Variants in RNF10 observed in about 807,000 individuals in gnomAD.
RNF10 encodes the protein ring finger protein 10.
RNF10 carries 38 observed loss-of-function variants against 91.4 expected under a neutral mutation model. The observed-to-expected ratio is 0.42, with a 90% CI of 0.32 to 0.54. The LOEUF (loss-of-function observed/expected upper bound fraction) is 0.54. Ranked by LOEUF, RNF10 falls within the 20% of genes least tolerant of loss-of-function variation. The probability of loss-of-function intolerance (pLI) is 0.16; values close to 1 mark genes in which losing one functional copy is unlikely to be tolerated. For synonymous variants in RNF10, 364 were observed against 366.3 expected (o/e 0.99, Z 0.07); for missense variants, 945 against 1,012.0 (o/e 0.93, Z 0.90).
intron 13 of RNF10, among the ~76,000 whole-genome samples, chr12:120,569,664 G>A (rs1446719669): frequency 4.7e-5 from 7 of 150,104 alleles, no homozygotes; most frequent in Non-Finnish European, 1.0e-4. Context: ...TCAGCCTCCC[G>A]AGTAGCTGGG....
chr12:120,559,517 T>G (rs1874525578), intron 6 of RNF10, among the ~76,000 whole-genome samples: 1 of 152,150 alleles, frequency 6.6e-6, no homozygotes, highest in East Asian at 1.9e-4. Flanking sequence ...CCTGAGTAGC[T>G]GAGATTACAG....
rs1057354746 is a variant in RNF10 at position 120,577,337 on chromosome 12, T to C, written c.*671T>C. The C allele has an allele frequency of 7.1e-5, 26 of 365,786 alleles. No individual in the cohort carries two copies. Among genetic ancestry groups the C allele is most frequent in the South Asian group, 3.9e-4 (19 of 49,080 alleles). The allele number at this position is 365,786 out of a possible 1,614,324, so 22.7% of individuals were successfully genotyped here. A position where few individuals can be genotyped will look rare whatever the true frequency, so the allele number is the denominator to read the frequency against. ...CTGTAACTCACGAAGCCCTGAGACCTGCTACCCCTAAGATCGAGCTTGTTT... is the reference window on the plus strand; with the variant it reads ...CTGTAACTCACGAAGCCCTGAGACCCGCTACCCCTAAGATCGAGCTTGTTT... On this transcript the variant is annotated 3_prime_UTR_variant, in exon 17 of 17. Coordinates refer to ENST00000325954, the MANE Select transcript of RNF10 (RefSeq NM_014868.5).
At chr12:120,566,595 C>T (rs1875740791) in intron 12 of RNF10, among the ~76,000 whole-genome samples, 1 of 151,990 alleles carries the variant, frequency 6.6e-6, no homozygotes, top group African/African-American at 2.4e-5. Flanking sequence ...AACCTCATCT[C>T]TTTAAAAATT....
At chr12:120,563,702 C>T in intron 9 of RNF10, 79 bp downstream of exon 9, 1 of 1,574,960 alleles carries the variant, frequency 6.3e-7, no homozygotes, top group Non-Finnish European at 8.6e-7. Context: ...AGAGGAGCGC[C>T]ACTAGATCCT....
chr12:120,557,852 T>C (rs145813848), intron 6 of RNF10, among the ~76,000 whole-genome samples, 170 bp downstream of exon 6: 237 of 152,314 alleles, frequency 1.6e-3, no homozygotes, highest in African/African-American at 5.5e-3. Context: ...GTAGATTAAT[T>C]ATTGGTTTCA....
intron 1 of RNF10, among the ~76,000 whole-genome samples, chr12:120,538,264 A>G (rs1027036861): frequency 1.3e-5 from 2 of 152,070 alleles, no homozygotes; most frequent in Admixed American, 1.3e-4. Context: ...CCCCTTTTCT[A>G]CCTCGTGGAA....
Position 120,560,914 on chromosome 12 carries a change from C to T in RNF10, c.1128+28C>T, listed in dbSNP as rs1874747275. Reference sequence around the variant, plus strand: ...GAGAGGATGCATTGGAGATGCTAAACCTTTTCACTTTCTCGGCGTTCTGTG... The same window carrying T: ...GAGAGGATGCATTGGAGATGCTAAATCTTTTCACTTTCTCGGCGTTCTGTG... On this transcript the variant is annotated intron_variant, in intron 7 of 16. Transcript: ENST00000325954. The T allele has an allele frequency of 7.5e-6, 12 of 1,603,308 alleles. No individual in the cohort carries two copies. The East Asian group carries it at 2.7e-4, about 36-fold the overall frequency.
At chr12:120,556,330 C>T (rs1228727562) in intron 4 of RNF10, among the ~76,000 whole-genome samples, 1 of 150,674 alleles carries the variant, frequency 6.6e-6, no homozygotes, top group African/African-American at 2.4e-5. Context: ...GTCAGGAGAT[C>T]GAGACCATCC....
rs1226685898 is a variant in RNF10 at position 120,575,415 on chromosome 12, C to T, written c.2143-216C>T. 4 of 570,658 alleles carry T rather than the reference C, an allele frequency of 7.0e-6. No homozygotes were observed. The Admixed American group carries it at 9.3e-5, about 13-fold the overall frequency. 35.3% of individuals were successfully genotyped at this position (570,658 alleles called of 1,614,324 possible). A position where few individuals can be genotyped will look rare whatever the true frequency, so the allele number is the denominator to read the frequency against. On this transcript the variant is annotated intron_variant, in intron 14 of 16. Coordinates refer to ENST00000325954, the MANE Select transcript of RNF10 (RefSeq NM_014868.5). Reference sequence around the variant, plus strand: ...TACCCATTTCCTAAGGAACAAACAGCTTATGGTTTACTACCTTGTGGGTTT... The same window carrying T: ...TACCCATTTCCTAAGGAACAAACAGTTTATGGTTTACTACCTTGTGGGTTT...
Position 120,565,200 on chromosome 12 carries a change from C to T in RNF10, c.1783+11C>T. On this transcript the variant is annotated intron_variant, in intron 11 of 16. Coordinates refer to ENST00000325954, the MANE Select transcript of RNF10 (RefSeq NM_014868.5). ...TAGAGATGTTCTCAGGTGAGAATGC[C>T]CCTGCTCTGCTTCTCTTTATAGTAG... 1 of 1,533,118 alleles carries T rather than the reference C, an allele frequency of 6.5e-7. No individual in the cohort carries two copies. Among genetic ancestry groups the T allele is most frequent in the Non-Finnish European group, 9.0e-7 (1 of 1,106,434 alleles). The allele number at this position is 1,533,118 out of a possible 1,614,324, so 95.0% of individuals were successfully genotyped here.
intron 14 of RNF10, among the ~76,000 whole-genome samples, chr12:120,573,244 C>T (rs1876926948): frequency 6.6e-6 from 1 of 152,154 alleles, no homozygotes; most frequent in Admixed American, 6.6e-5. Flanking sequence ...CCACATTTGT[C>T]TCAGCGTCCT....
At chr12:120,573,335 G>A (rs1273059839) in intron 14 of RNF10, among the ~76,000 whole-genome samples, 2 of 152,048 alleles carry the variant, frequency 1.3e-5, no homozygotes, top group African/African-American at 2.4e-5. Flanking sequence ...ATCTATAACC[G>A]TTCCTTTGCC....
At chr12:120,540,626 G>A (rs999725504) in intron 1 of RNF10, among the ~76,000 whole-genome samples, 1 of 152,110 alleles carries the variant, frequency 6.6e-6, no homozygotes, top group Non-Finnish European at 1.5e-5. Flanking sequence ...TCTCTCACTT[G>A]ACATATCTGT....
chr12:120,535,101 G>A, intron 1 of RNF10, 133 bp downstream of exon 1: 1 of 987,118 alleles, frequency 1.0e-6, no homozygotes, highest in Non-Finnish European at 1.4e-6. Context: ...CTTTTCCATG[G>A]CTCTCATTTG....
chr12:120,542,654 A>G (rs935745180), intron 1 of RNF10, among the ~76,000 whole-genome samples: 3 of 152,024 alleles, frequency 2.0e-5, no homozygotes, highest in Non-Finnish European at 2.9e-5. Context: ...CCGGGTTCAA[A>G]TGATTCTCAT....
chr12:120,576,737 G>A lies in RNF10; in HGVS notation c.*71G>A, dbSNP rs1359093921. ...TTTTTTTTCCCCCATGCTTTTGTTTGGCTGCTGTAATTTTTAAGTATTTGA... is the reference window on the plus strand; with the variant it reads ...TTTTTTTTCCCCCATGCTTTTGTTTAGCTGCTGTAATTTTTAAGTATTTGA... On this transcript the variant is annotated 3_prime_UTR_variant, in exon 17 of 17. Transcript: ENST00000325954. 2.5e-6 allele frequency: 4 copies of A among 1,581,330 alleles called. No homozygotes were observed. The Admixed American group carries it at 5.7e-5, about 23-fold the overall frequency.
chr12:120,572,076 T>TC (rs397713588), intron 14 of RNF10, among the ~76,000 whole-genome samples: 2 of 151,376 alleles, frequency 1.3e-5, no homozygotes, highest in African/African-American at 2.4e-5. Context: ...TTTTTTTTTT[T>TC]CCTCTTCTCC....
chr12:120,540,311 C>A (rs562921637), intron 1 of RNF10, among the ~76,000 whole-genome samples: 1 of 152,082 alleles, frequency 6.6e-6, no homozygotes, highest in South Asian at 2.1e-4. Context: ...CCTGGGCATT[C>A]ATAATTTAAA....
Position 120,575,631 on chromosome 12 carries a change from A to C in RNF10, c.2143A>C (p.Met715Leu). 1 of 1,614,230 alleles carries C rather than the reference A, an allele frequency of 6.2e-7. No individual in the cohort carries two copies. Among genetic ancestry groups the C allele is most frequent in the African/African-American group, 1.3e-5 (1 of 75,060 alleles). The change falls in exon 15 of 17, where the codon ATG becomes CTG. Residue 715 changes from methionine to leucine, a missense_variant and splice_region_variant. By Grantham distance (15) the Met-to-Leu change is conservative (BLOSUM62 2). Coordinates refer to ENST00000325954, the MANE Select transcript of RNF10 (RefSeq NM_014868.5). ...CCCCACTTCTTTCCCACTTTGGCAG[A>C]TGCTGAGGGTTGGAAAAGCAAAAGC... ...EDSPFPSFAQMLRVGKAKADV... is the reference protein window; with the variant it reads ...EDSPFPSFAQLLRVGKAKADV...
Sources: allele counts gnomAD v4.1 joint callset (sites outside exome capture counted in the v4.1 genomes callset), GRCh38; gene constraint gnomAD v4.1.1; transcripts MANE v1.5; gene names NCBI Gene and HGNC (gene_info 2026-07-23, HGNC 2026-07-21).